The following SEMA3E variants were observed in gnomAD, a reference collection of about 807,000 sequenced individuals.
SEMA3E encodes the protein semaphorin 3E.
SEMA3E carries 49 observed loss-of-function variants against 93.6 expected under a neutral mutation model. That is an observed-to-expected ratio of 0.52 (90% CI 0.42 to 0.66). The LOEUF is 0.66. Among genes scored for constraint, SEMA3E ranks in the 30% least tolerant of loss-of-function variants. The pLI is 0.00. For missense variants in SEMA3E, 906 were observed against 964.8 expected, an observed-to-expected ratio of 0.94 and a Z score of 0.81; for synonymous variants, 363 against 330.7, an observed-to-expected ratio of 1.10 and a Z score of -1.06.
intron 4 of SEMA3E, among the ~76,000 whole-genome samples, chr7:83,460,736 GC>G (rs1238583204): frequency 1.3e-5 from 2 of 149,106 alleles, no homozygotes; most frequent in Non-Finnish European, 1.5e-5. Context: ...GTATCTCTGT[GC>G]CCCGGCCCCT....
chr7:83,504,892 T>C (rs1184347874), intron 1 of SEMA3E, among the ~76,000 whole-genome samples: 1 of 152,204 alleles, frequency 6.6e-6, no homozygotes, highest in African/African-American at 2.4e-5. Context: ...TAGGTGCATA[T>C]GGCTTCTATT....
chr7:83,491,721 T>A (rs917653487), intron 1 of SEMA3E, among the ~76,000 whole-genome samples: 1 of 152,016 alleles, frequency 6.6e-6, no homozygotes, highest in Non-Finnish European at 1.5e-5. Context: ...GACATAGGCA[T>A]GAATGAAGAG....
intron 10 of SEMA3E, 102 bp downstream of exon 10, chr7:83,402,530 A>G: frequency 9.7e-7 from 1 of 1,027,656 alleles, no homozygotes; most frequent in East Asian, 2.6e-5. Flanking sequence ...TAGGTATAGT[A>G]TTCCTTAATT....
chr7:83,367,874 A>T lies in SEMA3E; in HGVS notation c.2040T>A (p.Asp680Glu). 1 of 1,611,586 alleles carries T rather than the reference A, an allele frequency of 6.2e-7. No individual in the cohort carries two copies. Among genetic ancestry groups the T allele is most frequent in the Non-Finnish European group, 8.5e-7 (1 of 1,178,238 alleles). Reference sequence around the variant, plus strand: ...CCTCCTCATCGTCCTTGTTAAACATATCCTCGACTTTCTCCTCTTCCACTA... The same window carrying T: ...CCTCCTCATCGTCCTTGTTAAACATTTCCTCGACTTTCTCCTCTTCCACTA... ...LEVVEEEKVE[D>E]MFNKDDEEDR... Residue 680 changes from aspartate to glutamate, a missense_variant, in exon 17 of 17, where the codon GAT becomes GAA. Asp to Glu is a conservative substitution (Grantham distance 45, BLOSUM62 2). Transcript: ENST00000643230.
At chr7:83,578,670 A>C (rs184089304) in intron 1 of SEMA3E, among the ~76,000 whole-genome samples, 1 of 152,230 alleles carries the variant, frequency 6.6e-6, no homozygotes, top group Admixed American at 6.5e-5. Context: ...ACTGGTTATA[A>C]AAAAAAGAAG....
rs59283673 is a variant in SEMA3E, at chr7:83,393,039, CAA to C, written c.1501-320_1501-319del. 3.8e-3 allele frequency among the ~76,000 whole-genome samples: 485 copies of C among 128,846 alleles called. 5 individuals are homozygous for C. Among genetic ancestry groups the C allele is most frequent in the African/African-American group, 0.014 (460 of 32,944 alleles). The allele number at this position is 128,846 out of a possible 152,430, so 84.5% of individuals were successfully genotyped here. ...GGGCGACAAGAGAGAAACTCCATCT[CAA>C]AAAAAAAAAAAAAAAATTATAGCAG... is the stretch of plus-strand genomic sequence containing the variant. On this transcript the variant is annotated intron_variant, in intron 13 of 16. Coordinates refer to ENST00000643230, the MANE Select transcript of SEMA3E (RefSeq NM_012431.3).
At chr7:83,447,013 T>C (rs1339823360) in intron 4 of SEMA3E, among the ~76,000 whole-genome samples, 1 of 152,070 alleles carries the variant, frequency 6.6e-6, no homozygotes, top group African/African-American at 2.4e-5. Flanking sequence ...ATTTTGGATT[T>C]AGTTGATGCC....
chr7:83,400,475 T>C (rs1424711937), intron 10 of SEMA3E, among the ~76,000 whole-genome samples: 1 of 152,142 alleles, frequency 6.6e-6, no homozygotes, highest in Non-Finnish European at 1.5e-5. Flanking sequence ...GTTGTACAGA[T>C]TATTTTGTCA....
chr7:83,396,795 T>C (rs1053103842), intron 11 of SEMA3E, 66 bp from the exon 12 acceptor site: 37 of 1,082,466 alleles, frequency 3.4e-5, no homozygotes, highest in Non-Finnish European at 4.7e-5. Flanking sequence ...AAAAAAACCA[T>C]GTAGCTGGCT....
chr7:83,377,894 C>A (rs534418091), intron 16 of SEMA3E, among the ~76,000 whole-genome samples: 21 of 151,990 alleles, frequency 1.4e-4, no homozygotes, highest in Middle Eastern at 3.4e-3. Flanking sequence ...ATGACCTTAA[C>A]TATATGTCTC....
chr7:83,376,579 AG>A (rs1271041464), intron 16 of SEMA3E, among the ~76,000 whole-genome samples: 2 of 152,060 alleles, frequency 1.3e-5, no homozygotes, highest in Non-Finnish European at 2.9e-5. Flanking sequence ...ATTACTCAAC[AG>A]CGTTTAATTG....
intron 4 of SEMA3E, among the ~76,000 whole-genome samples, chr7:83,419,223 T>C (rs927453224): frequency 1.3e-5 from 2 of 152,210 alleles, no homozygotes; most frequent in Non-Finnish European, 2.9e-5. Flanking sequence ...GAAATGGACA[T>C]GATTTCATTC....
rs1318061642 is a variant in SEMA3E, at chr7:83,363,852, GTCAAT to G, written c.*3729_*3733del. 7.2e-6 allele frequency: 1 copy of G among 138,378 alleles called. No individual in the cohort carries two copies. Among genetic ancestry groups the G allele is most frequent in the Non-Finnish European group, 1.5e-5 (1 of 65,206 alleles). 8.6% of individuals were successfully genotyped at this position (138,378 alleles called of 1,614,324 possible). ...GTTTATTAGGCTACAGGTGTCACAG[GTCAAT>G]TCATTTTTTTTTTTTTTTTTTTTTT... On this transcript the variant is annotated 3_prime_UTR_variant, in exon 17 of 17. Coordinates refer to ENST00000643230, the MANE Select transcript of SEMA3E (RefSeq NM_012431.3).
chr7:83,604,138 G>T (rs1243392756), intron 1 of SEMA3E, among the ~76,000 whole-genome samples: 2 of 152,068 alleles, frequency 1.3e-5, no homozygotes, highest in Non-Finnish European at 2.9e-5. Context: ...TTGTTTAACA[G>T]TTACAATAAA....
chr7:83,386,545 G>A (rs532350964), intron 15 of SEMA3E, among the ~76,000 whole-genome samples: 1 of 152,206 alleles, frequency 6.6e-6, no homozygotes, highest in Admixed American at 6.6e-5. Flanking sequence ...TTAGATAAAA[G>A]AGTAAAAGCT....
intron 1 of SEMA3E, among the ~76,000 whole-genome samples, chr7:83,573,239 A>G (rs1792323551): frequency 6.6e-6 from 1 of 152,080 alleles, no homozygotes; most frequent in Non-Finnish European, 1.5e-5. Context: ...TAAAATACAT[A>G]AACAGTGTCA....
At chr7:83,599,936 C>A (rs984153716) in intron 1 of SEMA3E, among the ~76,000 whole-genome samples, 1 of 152,128 alleles carries the variant, frequency 6.6e-6, no homozygotes, top group African/African-American at 2.4e-5. Context: ...TTTGAATGGG[C>A]CTTTTCTACA....
At position 83,642,399 on chromosome 7, in the gene SEMA3E, A is replaced by C. The variant is rs571568862; in HGVS notation, c.115+6029T>G. Among the ~76,000 whole-genome samples the C allele has an allele frequency of 4.6e-5, 7 of 152,230 alleles. No individual in the cohort carries two copies. The East Asian group carries it at 1.4e-3, about 29-fold the overall frequency. ...TGAAGGAAAGATATCAATTCTGCAG[A>C]GATGTCTTTTCTTGAAGTCATCACT... On this transcript the variant is annotated intron_variant, in intron 1 of 16. Transcript: ENST00000643230.
intron 4 of SEMA3E, among the ~76,000 whole-genome samples, chr7:83,461,866 A>T (rs1338875806): frequency 6.6e-6 from 1 of 152,296 alleles, no homozygotes; most frequent in South Asian, 2.1e-4. Flanking sequence ...CCAACACACA[A>T]GAACTTCCAA....
Sources: gnomAD v4.1 joint callset for allele counts (sites outside exome capture counted in the v4.1 genomes callset) on GRCh38, gnomAD v4.1.1 for gene constraint, MANE v1.5 for transcripts, NCBI Gene and HGNC (gene_info 2026-07-23, HGNC 2026-07-21) for gene names.